PLK4: variants seen among roughly 807,000 people sequenced by gnomAD.
The protein encoded by PLK4 is serine/threonine-protein kinase PLK4.
Under a neutral mutation model 103.0 loss-of-function variants are expected in PLK4, and 51 were observed. The ratio of observed to expected loss-of-function variants is 0.50; its 90% CI spans 0.40 to 0.63. The LOEUF is 0.63. Ranked by LOEUF, PLK4 falls within the 20% of genes least tolerant of loss-of-function variation. The pLI is 0.00. For synonymous variants in PLK4, 389 were observed against 376.8 expected, an observed-to-expected ratio of 1.03 and a Z score of -0.38; for missense variants, 1,054 against 1,151.0, an observed-to-expected ratio of 0.92 and a Z score of 1.22.
Position 127,890,134 on chromosome 4 carries a change from G to A in PLK4, c.1728G>A (p.Met576Ile). The change falls in exon 7 of 16, where the codon ATG (methionine) becomes ATA (isoleucine). Residue 576 changes from methionine (M) to isoleucine (I), a missense_variant. Around this residue, in one of 4 missense-constraint regions of PLK4, gnomAD observed 680 missense variants for 660.3 expected, o/e 1.03. Transcript: ENST00000270861. ...CTGAACAGAGCAAGACTAGGGGTAT[G>A]GAGCCACCATGGGGTTATCAGAATC... ...PLSEQSKTRG[M>I]EPPWGYQNRT... is the part of the protein sequence containing the mutation. The A allele has an allele frequency of 1.2e-6, 2 of 1,613,908 alleles. No homozygotes were observed. The highest frequency in any genetic ancestry group is 4.5e-5 in the East Asian group (2 of 44,888).
Position 127,883,565 on chromosome 4 carries a change from GT to G in PLK4, c.337+20del, listed in dbSNP as rs764441801. The G allele has an allele frequency of 2.6e-5, 31 of 1,194,288 alleles. No individual in the cohort carries two copies. Among genetic ancestry groups the G allele is most frequent in the Non-Finnish European group, 3.4e-5 (28 of 818,610 alleles). The allele number at this position is 1,194,288 out of a possible 1,614,324, so 74.0% of individuals were successfully genotyped here. On this transcript the variant is annotated intron_variant, in intron 4 of 15. Transcript: ENST00000270861. The stretch of plus-strand genomic sequence containing the variant: ...CTCAGAAAATGAAGGTAGGTGTGTG[GT>G]TTTTTTTGTTTGTTTTGTTTGGGTG...
intron 15 of PLK4, among the ~76,000 whole-genome samples, chr4:127,897,441 C>T (rs1418676338): frequency 6.6e-6 from 1 of 152,172 alleles, no homozygotes; most frequent in East Asian, 1.9e-4. Flanking sequence ...GAGTTATTTG[C>T]TTTCCTCATT....
intron 6 of PLK4, among the ~76,000 whole-genome samples, chr4:127,888,214 C>CAAAAAAAAAAAAAAAAAA (rs1304799289): frequency 5.1e-5 from 2 of 38,852 alleles, no homozygotes; most frequent in Non-Finnish European, 1.3e-4. Flanking sequence ...AAAAAAAAAG[C>CAAAAAAAAAAAAAAAAAA]ATTTTCAGTA....
rs1228257101 is a variant in PLK4, at chr4:127,883,510, C to T, written c.294C>T (p.Asn98=). 1 of 1,548,614 alleles carries T rather than the reference C, an allele frequency of 6.5e-7. No homozygotes were observed. The highest frequency in any genetic ancestry group is 8.9e-7 in the Non-Finnish European group (1 of 1,121,312). Residue 98 remains asparagine, a synonymous_variant, in exon 4 of 16, where the codon AAC becomes AAT. Coordinates refer to ENST00000270861, the MANE Select transcript of PLK4 (RefSeq NM_014264.5). ...VLEMCHNGEM[N]RYLKNRVKPF... is the part of the protein sequence containing the mutation. The stretch of plus-strand genomic sequence containing the variant: ...AAATGTGCCATAATGGAGAAATGAA[C>T]AGGTATCTAAAGAATAGAGTGAAAC...
Position 127,881,065 on chromosome 4 carries a change from T to C in PLK4, c.-70T>C, listed in dbSNP as rs1278509423. 3.3e-5 allele frequency: 52 copies of C among 1,578,740 alleles called. No homozygotes were observed. Among genetic ancestry groups the C allele is most frequent in the Non-Finnish European group, 4.5e-5 (52 of 1,149,396 alleles). On this transcript the variant is annotated 5_prime_UTR_variant, in exon 1 of 16. Transcript: ENST00000270861. ...ATGGGCGCCAAGGCCGGCTGGCTGC[T>C]TGGAGCGCTGCCTCGAAGGGACTGC...
intron 2 of PLK4, 152 bp downstream of exon 2, chr4:127,882,078 C>G: frequency 1.8e-6 from 1 of 561,462 alleles, no homozygotes; most frequent in Non-Finnish European, 3.2e-6. Context: ...CCAAGTCCAG[C>G]CGTTGAACTT....
chr4:127,886,532 C>T lies in PLK4; in HGVS notation c.1162C>T (p.Gln388Ter). 1 of 1,613,860 alleles carries T rather than the reference C, an allele frequency of 6.2e-7. No homozygotes were observed. The highest frequency in any genetic ancestry group is 8.5e-7 in the Non-Finnish European group (1 of 1,179,808). Residue 388 changes from glutamine to a stop codon, truncating the protein, a stop_gained, in exon 5 of 16, where the codon CAG (glutamine) becomes TAG (stop). Transcript: ENST00000270861. LOFTEE classifies it high-confidence loss of function. ...SSDRSGTSNS[Q>*]SQAKTYTMER... is the part of the protein sequence containing the mutation. ...TGATAGATCTGGCACTTCTAATAGT[C>T]AGTCTCAAGCAAAAACATATACAAT...
At position 127,885,688 on chromosome 4, in the gene PLK4, CTT is replaced by C; in HGVS notation, c.338-15_338-14del. 6.4e-7 allele frequency: 1 copy of C among 1,565,920 alleles called. No individual in the cohort carries two copies. The highest frequency in any genetic ancestry group is 8.6e-7 in the Non-Finnish European group (1 of 1,157,650). ...CCAGAGTTTCTAAATTGTAAATTCT[CTT>C]TTTTAAAATCCTAACAGCTCGACAC... On this transcript the variant is annotated intron_variant, in intron 4 of 15. Transcript: ENST00000270861.
intron 2 of PLK4, among the ~76,000 whole-genome samples, chr4:127,883,033 G>T (rs534805388): frequency 6.6e-6 from 1 of 152,166 alleles, no homozygotes; most frequent in East Asian, 1.9e-4. Context: ...TGTGCTATTA[G>T]ATTATTTAAA....
chr4:127,893,326 G>A lies in PLK4; in HGVS notation c.2230G>A (p.Glu744Lys). 6.3e-7 allele frequency: 1 copy of A among 1,598,892 alleles called. No individual in the cohort carries two copies. Among genetic ancestry groups the A allele is most frequent in the Non-Finnish European group, 8.5e-7 (1 of 1,170,382 alleles). ...HKTEDFIQVIEKTGKSYTLKS... is the reference protein window; with the variant it reads ...HKTEDFIQVIKKTGKSYTLKS... The stretch of plus-strand genomic sequence containing the variant: ...AACAGAAGATTTCATTCAGGTGATT[G>A]AAAAGACAGGGAAGTCTTACACTTT... Residue 744 changes from glutamate to lysine, a missense_variant, in exon 11 of 16, where the codon GAA becomes AAA. Physicochemically the swap from Glu to Lys is moderately conservative, Grantham distance 56. Coordinates refer to ENST00000270861, the MANE Select transcript of PLK4 (RefSeq NM_014264.5).
intron 5 of PLK4, 49 bp from the exon 6 acceptor site, chr4:127,887,347 C>T: frequency 1.0e-6 from 1 of 966,342 alleles, no homozygotes; most frequent in Non-Finnish European, 1.6e-6. Context: ...TAAAAAGTTA[C>T]CTGATAATTT....
intron 5 of PLK4, 139 bp from the exon 6 acceptor site, chr4:127,887,257 T>C: frequency 3.3e-6 from 2 of 597,466 alleles, no homozygotes; most frequent in Non-Finnish European, 6.0e-6. Context: ...AGCATAGTTA[T>C]GCCAATATTG....
At chr4:127,883,617 T>C in intron 4 of PLK4, 64 bp downstream of exon 4, 2 of 713,514 alleles carry the variant, frequency 2.8e-6, no homozygotes, top group Non-Finnish European at 5.0e-6. Context: ...TTTTAAAGTG[T>C]AGTTTTGAGG....
At position 127,889,988 on chromosome 4, in the gene PLK4, T is replaced by C. The variant is rs1208135399; in HGVS notation, c.1582T>C (p.Ser528Pro). 1 of 1,614,082 alleles carries C rather than the reference T, an allele frequency of 6.2e-7. No individual in the cohort carries two copies. Among genetic ancestry groups the C allele is most frequent in the Non-Finnish European group, 8.5e-7 (1 of 1,179,954 alleles). The change falls in exon 7 of 16, where the codon TCT becomes CCT. Residue 528 changes from serine to proline, a missense_variant. Ser to Pro is a moderately conservative substitution (Grantham distance 74, BLOSUM62 -1). Around this residue, in one of 4 missense-constraint regions of PLK4, gnomAD observed 680 missense variants for 660.3 expected, o/e 1.03. Transcript: ENST00000270861. The stretch of plus-strand genomic sequence containing the variant: ...GACTGATACAAAAGTCAAAAAGAAC[T>C]CTGATGCTTCTGATAATGCACATTC... ...AWTDTKVKKN[S>P]DASDNAHSVK...
intron 14 of PLK4, among the ~76,000 whole-genome samples, chr4:127,896,251 A>T (rs1163181405): frequency 6.6e-6 from 1 of 152,172 alleles, no homozygotes; most frequent in Non-Finnish European, 1.5e-5. Flanking sequence ...CAGAGTCTAG[A>T]TGTAAGCCTA....
intron 9 of PLK4, chr4:127,891,952 A>G (rs1356195995): frequency 4.2e-6 from 1 of 235,406 alleles, no homozygotes. Context: ...ATACTTGTTT[A>G]GAATGTGGCT....
intron 6 of PLK4, among the ~76,000 whole-genome samples, chr4:127,889,276 G>A (rs1318001696): frequency 6.6e-6 from 1 of 152,110 alleles, no homozygotes; most frequent in East Asian, 1.9e-4. Context: ...TTCTGTATGT[G>A]AACTTTAAAA....
Position 127,881,174 on chromosome 4 carries a change from C to G in PLK4, c.30+10C>G, listed in dbSNP as rs1223860232. 1.2e-6 allele frequency: 2 copies of G among 1,613,972 alleles called. No homozygotes were observed. The highest frequency in any genetic ancestry group is 1.7e-6 in the Non-Finnish European group (2 of 1,180,024). On this transcript the variant is annotated intron_variant, in intron 1 of 15. Transcript: ENST00000270861. Reference sequence around the variant, plus strand: ...CGGGGAGAAGATCGAGGTGAAAAGACTCGGCAGTCTGCAGCGGGGCGGGTG... The same window carrying G: ...CGGGGAGAAGATCGAGGTGAAAAGAGTCGGCAGTCTGCAGCGGGGCGGGTG...
intron 14 of PLK4, among the ~76,000 whole-genome samples, chr4:127,896,302 A>G (rs1375261461): frequency 6.6e-6 from 1 of 152,148 alleles, no homozygotes; most frequent in Non-Finnish European, 1.5e-5. Context: ...GCACTTCTCC[A>G]TTTTGAGTGA....
Sources: gnomAD v4.1 joint callset for allele counts (sites outside exome capture counted in the v4.1 genomes callset) on GRCh38, gnomAD v4.1.1 for gene constraint, gnomAD v4.1.1 regional missense constraint, MANE v1.5 for transcripts, NCBI Gene and HGNC (gene_info 2026-07-23, HGNC 2026-07-21) for gene names.